PTPRE: variants seen among roughly 807,000 people sequenced by gnomAD.
PTPRE encodes the protein receptor-type tyrosine-protein phosphatase epsilon.
Under a neutral mutation model 102.0 loss-of-function variants are expected in PTPRE, and 51 were observed. That is an observed-to-expected ratio of 0.50 (90% CI 0.40 to 0.63). The LOEUF (loss-of-function observed/expected upper bound fraction) is 0.63. Among genes scored for constraint, PTPRE ranks in the 30% least tolerant of loss-of-function variants. PTPRE has a pLI of 0.00. For missense variants in PTPRE, 752 were observed against 915.1 expected (o/e 0.82, Z 2.30); for synonymous variants, 345 against 348.2 (o/e 0.99, Z 0.10).
intron 1 of PTPRE, among the ~76,000 whole-genome samples, chr10:127,954,786 T>A (rs935310111): frequency 1.3e-5 from 2 of 151,852 alleles, no homozygotes; most frequent in Non-Finnish European, 2.9e-5. Context: ...GAATCAAGGG[T>A]CAGGAATGGA....
intron 1 of PTPRE, among the ~76,000 whole-genome samples, chr10:127,943,762 C>G (rs1327362681): frequency 6.6e-6 from 1 of 152,220 alleles, no homozygotes; most frequent in East Asian, 1.9e-4. Flanking sequence ...TCTCCAAACT[C>G]TCTTAATTCC....
chr10:128,068,093 C>A, intron 11 of PTPRE, 30 bp from the exon 12 acceptor site: 1 of 1,595,662 alleles, frequency 6.3e-7, no homozygotes, highest in Non-Finnish European at 8.6e-7. Context: ...GATTGTTTCA[C>A]CCACTCTTGT....
chr10:127,993,824 C>A (rs1020735087), intron 2 of PTPRE, among the ~76,000 whole-genome samples: 5 of 151,742 alleles, frequency 3.3e-5, no homozygotes, highest in Non-Finnish European at 4.4e-5. Context: ...ATGTCACATT[C>A]CCCCAGGCAC....
intron 1 of PTPRE, among the ~76,000 whole-genome samples, chr10:127,946,643 G>A (rs2135321104): frequency 2.0e-5 from 3 of 152,356 alleles, no homozygotes; most frequent in Middle Eastern, 6.8e-3. Context: ...TGTGGGTACA[G>A]GGACAAAGGT....
chr10:127,989,312 A>G (rs1437723303), intron 2 of PTPRE, among the ~76,000 whole-genome samples: 1 of 152,208 alleles, frequency 6.6e-6, no homozygotes, highest in Non-Finnish European at 1.5e-5. Flanking sequence ...GATTTGCTCT[A>G]TTTCCTGTTT....
intron 2 of PTPRE, among the ~76,000 whole-genome samples, chr10:128,011,666 T>C (rs116373615): frequency 0.011 from 1,641 of 152,332 alleles, 38 homozygotes; most frequent in African/African-American, 0.038. Context: ...TCACTAGAAA[T>C]TCCTTTTAGG....
intron 20 of PTPRE, among the ~76,000 whole-genome samples, chr10:128,082,467 A>C (rs1009505418): frequency 6.6e-6 from 1 of 151,490 alleles, no homozygotes; most frequent in African/African-American, 2.4e-5. Context: ...CTCCTGCCTC[A>C]GCCTCTCAAA....
intron 1 of PTPRE, among the ~76,000 whole-genome samples, chr10:127,974,566 T>C (rs1851003711): frequency 6.6e-6 from 1 of 152,244 alleles, no homozygotes; most frequent in Admixed American, 6.5e-5. Context: ...TATAAGCCTG[T>C]CCTCTGGACT....
intron 2 of PTPRE, among the ~76,000 whole-genome samples, chr10:128,023,023 C>T (rs930270577): frequency 4.6e-5 from 7 of 152,210 alleles, no homozygotes; most frequent in Non-Finnish European, 7.3e-5. Flanking sequence ...CAGTGGCCCC[C>T]GTCCGTGGTT....
At chr10:127,995,376 G>A (rs1437161743) in intron 2 of PTPRE, among the ~76,000 whole-genome samples, 4 of 152,154 alleles carry the variant, frequency 2.6e-5, no homozygotes, top group Non-Finnish European at 5.9e-5. Flanking sequence ...TGGTCTTCTT[G>A]GTTTTCTTCC....
chr10:127,966,893 G>A (rs1235374123), intron 1 of PTPRE, among the ~76,000 whole-genome samples: 1 of 152,088 alleles, frequency 6.6e-6, no homozygotes, highest in Non-Finnish European at 1.5e-5. Flanking sequence ...AAAGATTTAG[G>A]TGATAAAATT....
At chr10:128,066,300 GC>G in intron 11 of PTPRE, 106 bp downstream of exon 11, 1 of 1,525,426 alleles carries the variant, frequency 6.6e-7, no homozygotes, top group Non-Finnish European at 8.9e-7. Flanking sequence ...TCCCAGCCCG[GC>G]ACTGTCGCAG....
intron 5 of PTPRE, 78 bp downstream of exon 5, chr10:128,047,915 T>C: frequency 7.0e-7 from 1 of 1,430,762 alleles, no homozygotes; most frequent in Non-Finnish European, 9.4e-7. Context: ...CTTTCTGCCT[T>C]TAACGTTCAA....
In PTPRE at chr10:127,989,236, A is replaced by G. The variant is rs1021906632; in HGVS notation, c.-8+6940A>G. ...ATATATTTAAAGCTATCATGTTAGC[A>G]TGTTGCTGCTGAGAAATGAATTTTT... On this transcript the variant is annotated intron_variant, in intron 2 of 20. Transcript: ENST00000254667. Among the ~76,000 whole-genome samples, 10 of 152,114 alleles carry G rather than the reference A, an allele frequency of 6.6e-5. No homozygotes were observed. The East Asian group carries it at 1.9e-3, about 29-fold the overall frequency.
intron 2 of PTPRE, among the ~76,000 whole-genome samples, chr10:127,984,349 G>A (rs1851902903): frequency 6.6e-6 from 1 of 152,044 alleles, no homozygotes; most frequent in Admixed American, 6.6e-5. Context: ...CCACAGCGCT[G>A]GGATTACAAG....
intron 2 of PTPRE, among the ~76,000 whole-genome samples, chr10:128,007,755 A>G (rs747829308): frequency 5.3e-5 from 8 of 152,202 alleles, no homozygotes; most frequent in Admixed American, 3.3e-4. Flanking sequence ...GGCAGGCACC[A>G]TGAGAGTCTT....
At chr10:127,988,231 T>G (rs1852274237) in intron 2 of PTPRE, among the ~76,000 whole-genome samples, 1 of 152,004 alleles carries the variant, frequency 6.6e-6, no homozygotes, top group South Asian at 2.1e-4. Context: ...GGTGGCCCCC[T>G]GTGGATTGAG....
Position 128,008,223 on chromosome 10 carries a change from GC to G in PTPRE, c.-8+25929del, listed in dbSNP as rs1302174255. ...CAGCCCCGCTGGCTCGTCCGCCCTC[GC>G]CTCCCTCCCTCCCTTTCACCCTCCC... is the stretch of plus-strand genomic sequence containing the variant. On this transcript the variant is annotated intron_variant, in intron 2 of 20. Transcript: ENST00000254667. The surrounding 1 kb of genome is among the most constrained non-coding windows in gnomAD (Gnocchi z 4.0). Among the ~76,000 whole-genome samples, 1 of 151,100 alleles carries G rather than the reference GC, an allele frequency of 6.6e-6. No homozygotes were observed. The highest frequency in any genetic ancestry group is 1.5e-5 in the Non-Finnish European group (1 of 67,782).
At chr10:128,056,357 TC>T in intron 7 of PTPRE, 144 bp downstream of exon 7, 1 of 652,682 alleles carries the variant, frequency 1.5e-6, no homozygotes, top group Non-Finnish European at 2.7e-6. Flanking sequence ...CACCTAGGAC[TC>T]CAGAACGTTC....
Sources: gnomAD v4.1 joint callset for allele counts (sites outside exome capture counted in the v4.1 genomes callset) on GRCh38, gnomAD v4.1.1 for gene constraint, Gnocchi (gnomAD v3.1) non-coding constraint, MANE v1.5 for transcripts, NCBI Gene and HGNC (gene_info 2026-07-23, HGNC 2026-07-21) for gene names.